The following CAMTA1 variants were observed in gnomAD, a reference collection of about 807,000 sequenced individuals.
CAMTA1 encodes the protein calmodulin-binding transcription activator 1.
CAMTA1 carries 27 observed loss-of-function variants against 170.9 expected under a neutral mutation model. The ratio of observed to expected loss-of-function variants is 0.16; its 90% CI spans 0.12 to 0.22. The LOEUF (loss-of-function observed/expected upper bound fraction) is 0.22. Among genes scored for constraint, CAMTA1 ranks in the 10% least tolerant of loss-of-function variants. The pLI, the probability that CAMTA1 is intolerant of heterozygous loss-of-function variation, is 1.00. For missense variants in CAMTA1, 1,619 were observed against 2,217.2 expected (o/e 0.73, Z 5.42); for synonymous variants, 833 against 891.5 (o/e 0.93, Z 1.17).
rs138943224 is a variant in CAMTA1, at chr1:6,932,191, C to G, written c.234+106981C>G. Among the ~76,000 whole-genome samples the G allele has an allele frequency of 1.6e-3, 239 of 152,286 alleles. 4 individuals are homozygous for G. In the East Asian group the frequency reaches 0.037, roughly 24 times the overall value. On this transcript the variant is annotated intron_variant, in intron 3 of 22. Coordinates refer to ENST00000303635, the MANE Select transcript of CAMTA1 (RefSeq NM_015215.4). ...TGATTGCTTCCTCCAGGGCCTCCCC[C>G]CTCCTCGCCAGGCAACCACCACTCT...
At chr1:7,073,230 G>A (rs944769961) in intron 3 of CAMTA1, among the ~76,000 whole-genome samples, 1 of 152,166 alleles carries the variant, frequency 6.6e-6, no homozygotes, top group African/African-American at 2.4e-5. Flanking sequence ...CTACTGAGGT[G>A]GGGGGAAGCT....
At chr1:6,976,693 G>A (rs955204892) in intron 3 of CAMTA1, among the ~76,000 whole-genome samples, 3 of 152,176 alleles carry the variant, frequency 2.0e-5, no homozygotes, top group African/African-American at 7.2e-5. Flanking sequence ...GGATGGATGT[G>A]CCGAGCATCA....
chr1:7,745,551 A>G (rs1481980416), intron 17 of CAMTA1, among the ~76,000 whole-genome samples: 5 of 152,130 alleles, frequency 3.3e-5, no homozygotes, highest in African/African-American at 9.7e-5. Context: ...AAGAGAGATA[A>G]TGTAGCATAA....
rs1458483378 is a variant in CAMTA1, at chr1:7,018,919, A to T, written c.235-72385A>T. On this transcript the variant is annotated intron_variant, in intron 3 of 22. Transcript: ENST00000303635. Reference sequence around the variant, plus strand: ...CGGGGAGGGCACTGTGGACAGAAACATGTTAGAGAAGGCCCGTCTGCAGAG... The same window carrying T: ...CGGGGAGGGCACTGTGGACAGAAACTTGTTAGAGAAGGCCCGTCTGCAGAG... 2.0e-5 allele frequency among the ~76,000 whole-genome samples: 3 copies of T among 152,170 alleles called. No homozygotes were observed. The East Asian group carries it at 5.8e-4, about 29-fold the overall frequency.
chr1:7,264,510 T>G (rs1317285861), intron 5 of CAMTA1, among the ~76,000 whole-genome samples: 2 of 152,226 alleles, frequency 1.3e-5, no homozygotes, highest in East Asian at 3.8e-4. Context: ...AAGCCACGTG[T>G]GTAGAGCACT....
At chr1:7,552,269 G>A (rs762549439) in intron 6 of CAMTA1, among the ~76,000 whole-genome samples, 4 of 152,218 alleles carry the variant, frequency 2.6e-5, no homozygotes, top group South Asian at 2.1e-4. Context: ...TCTCTGGACC[G>A]CCAAGTCCCA....
chr1:7,307,426 C>T (rs1317263763), intron 5 of CAMTA1, among the ~76,000 whole-genome samples: 2 of 151,770 alleles, frequency 1.3e-5, no homozygotes, highest in African/African-American at 2.4e-5. Flanking sequence ...TTCCAATTTA[C>T]AGGCTTTTAT....
At chr1:7,766,315 C>T in intron 22 of CAMTA1, 144 bp from the exon 23 acceptor site, 3 of 634,100 alleles carry the variant, frequency 4.7e-6, no homozygotes, top group South Asian at 4.5e-5. Context: ...AACAATTTCA[C>T]AGGAGTTTCT....
At chr1:6,859,666 G>C (rs1663889564) in intron 3 of CAMTA1, among the ~76,000 whole-genome samples, 1 of 152,152 alleles carries the variant, frequency 6.6e-6, no homozygotes, top group Non-Finnish European at 1.5e-5. Context: ...GTGCGTTCCT[G>C]TGGTCCCAGC....
At chr1:7,135,354 C>A (rs1184384056) in intron 4 of CAMTA1, among the ~76,000 whole-genome samples, 1 of 152,124 alleles carries the variant, frequency 6.6e-6, no homozygotes, top group Non-Finnish European at 1.5e-5. Context: ...TGCCACTGCA[C>A]TCCAGCCTGG....
chr1:6,882,560 G>A lies in CAMTA1; in HGVS notation c.234+57350G>A, dbSNP rs1391333247. Among the ~76,000 whole-genome samples, 10 of 152,142 alleles carry A rather than the reference G, an allele frequency of 6.6e-5. 1 individual carries two copies. Among genetic ancestry groups the A allele is most frequent in the African/African-American group, 2.4e-4 (10 of 41,430 alleles). ...ATGCTATTCTTCTTTACTGAGATCA[G>A]GAAGACTGAGAACAGCAGGTTGGGG... On this transcript the variant is annotated intron_variant, in intron 3 of 22. Coordinates refer to ENST00000303635, the MANE Select transcript of CAMTA1 (RefSeq NM_015215.4).
At position 7,124,939 on chromosome 1, in the gene CAMTA1, CG is replaced by C. The variant is rs1016789852; in HGVS notation, c.302+33573del. 5.3e-4 allele frequency among the ~76,000 whole-genome samples: 80 copies of C among 152,224 alleles called. 1 individual carries two copies. The highest frequency in any genetic ancestry group is 1.8e-3 in the African/African-American group (76 of 41,556). On this transcript the variant is annotated intron_variant, in intron 4 of 22. Transcript: ENST00000303635. ...GGAAGGGGAAGGGAGGAGATTTTGT[CG>C]GGGGAAGTTTTCCCAGTGCCCTTAA...
At chr1:7,544,346 A>G (rs982551488) in intron 6 of CAMTA1, among the ~76,000 whole-genome samples, 1 of 152,204 alleles carries the variant, frequency 6.6e-6, no homozygotes, top group African/African-American at 2.4e-5. Context: ...GGTCCCTCCC[A>G]CAACATGTGG....
intron 4 of CAMTA1, among the ~76,000 whole-genome samples, chr1:7,239,963 A>G (rs1664576433): frequency 6.6e-6 from 1 of 152,162 alleles, no homozygotes; most frequent in Non-Finnish European, 1.5e-5. Flanking sequence ...TCCCAAGGTA[A>G]TGACGTTAAT....
intron 3 of CAMTA1, among the ~76,000 whole-genome samples, chr1:7,034,368 C>G (rs894926819): frequency 6.6e-6 from 1 of 152,086 alleles, no homozygotes; most frequent in Non-Finnish European, 1.5e-5. Flanking sequence ...CTTGGCCGGG[C>G]TGGTCTTGAA....
chr1:7,422,042 T>C (rs1358831097), intron 5 of CAMTA1, among the ~76,000 whole-genome samples: 1 of 151,658 alleles, frequency 6.6e-6, no homozygotes, highest in Admixed American at 6.6e-5. Context: ...ATATTTACAA[T>C]CAGCCCAGGG....
intron 3 of CAMTA1, among the ~76,000 whole-genome samples, chr1:6,880,730 T>G (rs1441429284): frequency 6.6e-6 from 1 of 152,182 alleles, no homozygotes; most frequent in Non-Finnish European, 1.5e-5. Context: ...GTCTGATATC[T>G]GTATGATCAT....
At chr1:7,029,297 C>T (rs1050194352) in intron 3 of CAMTA1, among the ~76,000 whole-genome samples, 21 of 151,758 alleles carry the variant, frequency 1.4e-4, no homozygotes, top group African/African-American at 4.6e-4. Context: ...GTCAGGAGAT[C>T]GAGACCATCC....
At chr1:6,994,749 C>T (rs1021113867) in intron 3 of CAMTA1, among the ~76,000 whole-genome samples, 9 of 152,050 alleles carry the variant, frequency 5.9e-5, no homozygotes, top group African/African-American at 2.2e-4. Context: ...CTCACAGCAA[C>T]CTCCACCTCC....
Sources: allele counts gnomAD v4.1 joint callset (sites outside exome capture counted in the v4.1 genomes callset), GRCh38; gene constraint gnomAD v4.1.1; transcripts MANE v1.5; gene names NCBI Gene and HGNC (gene_info 2026-07-23, HGNC 2026-07-21).